Variants in LMO7 observed in about 807,000 individuals in gnomAD.
LMO7 encodes the protein LIM domain only protein 7.
LMO7 carries 120 observed loss-of-function variants against 206.5 expected under a neutral mutation model. The observed-to-expected ratio is 0.58, with a 90% CI of 0.50 to 0.68. The LOEUF (loss-of-function observed/expected upper bound fraction) is 0.68. Among genes scored for constraint, LMO7 ranks in the 30% least tolerant of loss-of-function variants. LMO7 has a pLI of 0.00. For missense variants in LMO7, 1,959 were observed against 1,957.9 expected, an observed-to-expected ratio of 1.00 and a Z score of -0.01; for synonymous variants, 706 against 681.5, an observed-to-expected ratio of 1.04 and a Z score of -0.56.
chr13:75,796,133 A>G (rs2053980609), intron 5 of LMO7, among the ~76,000 whole-genome samples: 1 of 152,220 alleles, frequency 6.6e-6, no homozygotes, highest in Admixed American at 6.5e-5. Flanking sequence ...CTTTAAGGAA[A>G]AGCACTGACT....
intron 24 of LMO7, 86 bp from the exon 25 acceptor site, chr13:75,842,765 G>A (rs143415677): frequency 3.8e-6 from 3 of 793,364 alleles, no homozygotes; most frequent in African/African-American, 3.4e-5. Context: ...AGGCTAGAAT[G>A]ACATTATTTT....
At chr13:75,667,597 G>C (rs1011114707) in intron 1 of LMO7, among the ~76,000 whole-genome samples, 1 of 151,942 alleles carries the variant, frequency 6.6e-6, no homozygotes, top group Non-Finnish European at 1.5e-5. Flanking sequence ...TCTTGGGTTT[G>C]GTTCTTATTT....
In LMO7 at chr13:75,808,023, A is replaced by C. The variant is rs748023288; in HGVS notation, c.1740A>C (p.Ser580=). ...ATAGCTGTAGAATATTAGTTCCTTCATATCGGCAGAAGAAAGATGACATGC... is the reference window on the plus strand; with the variant it reads ...ATAGCTGTAGAATATTAGTTCCTTCCTATCGGCAGAAGAAAGATGACATGC... ...KSNSCRILVP[S]YRQKKDDMLT... Residue 580 remains serine, a synonymous_variant, in exon 10 of 31, where the codon TCA becomes TCC. Transcript: ENST00000377534. 6.2e-7 allele frequency: 1 copy of C among 1,613,850 alleles called. No individual in the cohort carries two copies. Among genetic ancestry groups the C allele is most frequent in the African/African-American group, 1.3e-5 (1 of 74,916 alleles).
At chr13:75,842,214 G>A (rs1020865008) in intron 24 of LMO7, among the ~76,000 whole-genome samples, 1 of 152,078 alleles carries the variant, frequency 6.6e-6, no homozygotes, top group Non-Finnish European at 1.5e-5. Context: ...CCTTGCCAAG[G>A]CCTAGAAGGC....
intron 1 of LMO7, among the ~76,000 whole-genome samples, chr13:75,678,368 T>C (rs896561359): frequency 5.3e-5 from 8 of 152,248 alleles, no homozygotes; most frequent in African/African-American, 1.9e-4. Context: ...ATTGTGGTTT[T>C]GATTTGCATT....
At chr13:75,783,297 T>C (rs1448624178) in intron 4 of LMO7, among the ~76,000 whole-genome samples, 1 of 152,168 alleles carries the variant, frequency 6.6e-6, no homozygotes, top group Non-Finnish European at 1.5e-5. Flanking sequence ...TGCAATATCA[T>C]TGTAATGGAT....
chr13:75,780,459 C>A (rs1004189282), intron 4 of LMO7, among the ~76,000 whole-genome samples: 7 of 152,186 alleles, frequency 4.6e-5, no homozygotes, highest in African/African-American at 1.7e-4. Flanking sequence ...TCCGCCCGGC[C>A]CTGCAGGCAG....
At chr13:75,721,747 C>A (rs2044036379) in intron 2 of LMO7, among the ~76,000 whole-genome samples, 3 of 152,178 alleles carry the variant, frequency 2.0e-5, no homozygotes, top group Non-Finnish European at 2.9e-5. Flanking sequence ...GTTCCACATT[C>A]TTGCAAGTGC....
At chr13:75,788,772 T>C (rs2052818377) in intron 4 of LMO7, 1 of 152,424 alleles carries the variant, frequency 6.6e-6, no homozygotes, top group East Asian at 1.9e-4. Flanking sequence ...CTAATATCAG[T>C]CCAGTTTCCC....
intron 1 of LMO7, among the ~76,000 whole-genome samples, chr13:75,692,274 G>T (rs1375449463): frequency 6.6e-6 from 1 of 152,140 alleles, no homozygotes. Context: ...TGCAGATTGG[G>T]TCACAAGCCA....
rs1455207068 is a variant in LMO7, at chr13:75,672,230, T to C, written c.69+35504T>C. On this transcript the variant is annotated intron_variant, in intron 1 of 30. Transcript: ENST00000377534. The stretch of plus-strand genomic sequence containing the variant: ...ATATATTGGCCCATAAAGTGCTTTG[T>C]TAAAAAAAGATTTTTTTTTTTTTTT... 2.0e-5 allele frequency among the ~76,000 whole-genome samples: 3 copies of C among 147,324 alleles called. No individual in the cohort carries two copies. In the East Asian group the frequency reaches 5.8e-4, roughly 29 times the overall value.
intron 9 of LMO7, chr13:75,806,308 C>CA: frequency 1.1e-6 from 1 of 920,560 alleles, no homozygotes; most frequent in Non-Finnish European, 1.3e-6. Context: ...TGGCCTCAGA[C>CA]AACCCTCTGC....
At position 75,753,057 on chromosome 13, in the gene LMO7, A is replaced by G. The variant is rs1052779316; in HGVS notation, c.211-7875A>G. On this transcript the variant is annotated intron_variant, in intron 3 of 30. Coordinates refer to ENST00000377534, the MANE Select transcript of LMO7 (RefSeq NM_001306080.2). ...TAATTTACATTCCCACCAGCAGTGT[A>G]TAAGCATTCCTGTTTCTCTGCATTT... 3.9e-5 allele frequency among the ~76,000 whole-genome samples: 6 copies of G among 152,246 alleles called. No individual in the cohort carries two copies. The South Asian group carries it at 1.2e-3, about 31-fold the overall frequency.
chr13:75,646,917 T>C (rs1330855943), intron 1 of LMO7, among the ~76,000 whole-genome samples: 1 of 152,190 alleles, frequency 6.6e-6, no homozygotes, highest in African/African-American at 2.4e-5. Context: ...GTGTTGCTGT[T>C]CCATCTGCAT....
chr13:75,777,835 C>T (rs1031740590), intron 4 of LMO7, among the ~76,000 whole-genome samples: 3 of 151,730 alleles, frequency 2.0e-5, no homozygotes, highest in Non-Finnish European at 4.4e-5. Flanking sequence ...TTAGTAGAGA[C>T]GGGGTTTCAC....
chr13:75,774,849 T>C (rs932723301), intron 4 of LMO7, among the ~76,000 whole-genome samples: 1 of 152,158 alleles, frequency 6.6e-6, no homozygotes, highest in Non-Finnish European at 1.5e-5. Context: ...GAAGATTTGA[T>C]GAAATTACCA....
At chr13:75,832,990 G>T in intron 15 of LMO7, 61 bp from the exon 16 acceptor site, 1 of 878,700 alleles carries the variant, frequency 1.1e-6, no homozygotes, top group Non-Finnish European at 1.9e-6. Flanking sequence ...TTCATGGATA[G>T]ACTTTCCTCC....
chr13:75,776,162 G>GATATAT (rs58964680), intron 4 of LMO7, among the ~76,000 whole-genome samples: 763 of 36,606 alleles, frequency 0.021, 40 homozygotes, highest in South Asian at 0.036. Flanking sequence ...ATATATATCG[G>GATATAT]ATATATATAT....
chr13:75,780,710 G>T (rs2051199689), intron 4 of LMO7, among the ~76,000 whole-genome samples: 1 of 152,158 alleles, frequency 6.6e-6, no homozygotes, highest in African/African-American at 2.4e-5. Context: ...AAATGTCCAT[G>T]AAATCTTCAC....
Sources: gnomAD v4.1 joint callset for allele counts (sites outside exome capture counted in the v4.1 genomes callset) on GRCh38, gnomAD v4.1.1 for gene constraint, MANE v1.5 for transcripts, NCBI Gene and HGNC (gene_info 2026-07-23, HGNC 2026-07-21) for gene names.